Variants in REXO1 observed in about 807,000 individuals in gnomAD.
The protein encoded by REXO1 is REX1, RNA exonuclease 1 homolog.
Under a neutral mutation model 102.6 loss-of-function variants are expected in REXO1, and 42 were observed. The ratio of observed to expected loss-of-function variants is 0.41; its 90% CI spans 0.32 to 0.53. The LOEUF (loss-of-function observed/expected upper bound fraction) is 0.53. Ranked by LOEUF, REXO1 falls within the 20% of genes least tolerant of loss-of-function variation. The pLI, the probability that REXO1 is intolerant of heterozygous loss-of-function variation, is 0.27. For missense variants in REXO1, 1,819 were observed against 1,732.5 expected (o/e 1.05, Z -0.89); for synonymous variants, 908 against 779.1 (o/e 1.17, Z -2.76).
At chr19:1,820,819 C>G (rs900642817) in intron 5 of REXO1, among the ~76,000 whole-genome samples, 3 of 151,470 alleles carry the variant, frequency 2.0e-5, no homozygotes, top group Admixed American at 6.6e-5. Context: ...GTGGCAAAAC[C>G]CTGTCTCTAC....
At chr19:1,825,563 C>T (rs962356496) in intron 3 of REXO1, among the ~76,000 whole-genome samples, 7 of 151,774 alleles carry the variant, frequency 4.6e-5, no homozygotes, top group South Asian at 4.2e-4. Context: ...GTAACCTCTG[C>T]CTCCTGAGTT....
rs137920406 is a variant in REXO1 at position 1,819,952 on chromosome 19, C to T, written c.2632G>A (p.Ala878Thr). Residue 878 changes from alanine (A) to threonine (T), a missense_variant, in exon 7 of 16, where the codon GCT becomes ACT. Ala to Thr is a moderately conservative substitution (Grantham distance 58). Coordinates refer to ENST00000170168, the MANE Select transcript of REXO1 (RefSeq NM_020695.4). ...GACTCACTGCTGAGGCCGGGCACAG[C>T]GCTGGGGGCCAGGCCCCTGAGCTTC... ...LKKLRGLAPS[A>T]VPGLSKTSGR... is the part of the protein sequence containing the mutation. The T allele has an allele frequency of 9.5e-6, 15 of 1,586,812 alleles. No homozygotes were observed. The highest frequency in any genetic ancestry group is 6.8e-5 in the African/African-American group (5 of 73,218).
At chr19:1,847,187 C>T (rs1382871756) in intron 1 of REXO1, among the ~76,000 whole-genome samples, 1 of 152,232 alleles carries the variant, frequency 6.6e-6, no homozygotes, top group Non-Finnish European at 1.5e-5. Context: ...CAACCGCCCA[C>T]AGGTGCAGGT....
Position 1,848,285 on chromosome 19 carries a change from C to A in REXO1, c.74G>T (p.Arg25Leu). Reference sequence around the variant, plus strand: ...GTGCCGGAAGTGGCAGTAGGGCCGCCGGCAGGGCCCCCCGGGCGCCCCAGA... The same window carrying A: ...GTGCCGGAAGTGGCAGTAGGGCCGCAGGCAGGGCCCCCCGGGCGCCCCAGA... ...YWSGAPGGPC[R>L]RPYCHFRHRG... is the part of the protein sequence containing the mutation. Residue 25 changes from arginine to leucine, a missense_variant, in exon 1 of 16, where the codon CGG becomes CTG. Transcript: ENST00000170168. The A allele has an allele frequency of 8.1e-7, 1 of 1,232,588 alleles. No individual in the cohort carries two copies. Among genetic ancestry groups the A allele is most frequent in the South Asian group, 4.0e-5 (1 of 25,082 alleles). 76.4% of individuals were successfully genotyped at this position (1,232,588 alleles called of 1,614,324 possible).
intron 1 of REXO1, among the ~76,000 whole-genome samples, chr19:1,830,321 G>A (rs2069868658): frequency 6.6e-6 from 1 of 152,116 alleles, no homozygotes; most frequent in Non-Finnish European, 1.5e-5. Flanking sequence ...GACCAGCCTG[G>A]ATGACACAGA....
chr19:1,847,235 G>A (rs535126257), intron 1 of REXO1, among the ~76,000 whole-genome samples: 2 of 152,234 alleles, frequency 1.3e-5, no homozygotes, highest in African/African-American at 2.4e-5. Context: ...AGAAAAAAAT[G>A]CTACCTTTTC....
chr19:1,846,855 T>G lies in REXO1; in HGVS notation c.157+1347A>C, dbSNP rs545542941. Among the ~76,000 whole-genome samples, 22 of 152,292 alleles carry G rather than the reference T, an allele frequency of 1.4e-4. No homozygotes were observed. The South Asian group carries it at 4.3e-3, about 30-fold the overall frequency. On this transcript the variant is annotated intron_variant, in intron 1 of 15. Transcript: ENST00000170168. ...CCTCAAAGAGCTGTGATCGCACCAC[T>G]GCACTCCAGCCTGGACTATAGAGTG... is the stretch of plus-strand genomic sequence containing the variant.
intron 1 of REXO1, among the ~76,000 whole-genome samples, chr19:1,839,279 C>A (rs1371916913): frequency 5.3e-5 from 8 of 150,680 alleles, no homozygotes; most frequent in African/African-American, 2.0e-4. Flanking sequence ...AAGAGTCCAG[C>A]TCTCAGCTCC....
At chr19:1,819,525 G>T (rs943246486) in intron 7 of REXO1, among the ~76,000 whole-genome samples, 7 of 152,212 alleles carry the variant, frequency 4.6e-5, no homozygotes, top group African/African-American at 1.7e-4. Context: ...TGCAGGCGGG[G>T]ACGGGGGCAG....
intron 1 of REXO1, among the ~76,000 whole-genome samples, chr19:1,837,859 C>A (rs958265964): frequency 2.6e-5 from 4 of 152,254 alleles, no homozygotes; most frequent in African/African-American, 9.6e-5. Context: ...CGGGGACCAC[C>A]AGCTCTGCTC....
At position 1,825,841 on chromosome 19, in the gene REXO1, C is replaced by T. The variant is rs776941029; in HGVS notation, c.2014G>A (p.Glu672Lys). Reference sequence around the variant, plus strand: ...GGCCTGGCCTCTGCGGACCTTACCTCCTGGCCTTGCTTGGAAAGGTGGGAG... The same window carrying T: ...GGCCTGGCCTCTGCGGACCTTACCTTCTGGCCTTGCTTGGAAAGGTGGGAG... ...RISHLSKQGQ[E>K]VEPPRRGPAV... Residue 672 changes from glutamate (E) to lysine (K), a missense_variant and splice_region_variant, in exon 3 of 16, where the codon GAG becomes AAG. Coordinates refer to ENST00000170168, the MANE Select transcript of REXO1 (RefSeq NM_020695.4). The T allele has an allele frequency of 2.4e-5, 39 of 1,607,152 alleles. No individual in the cohort carries two copies. Among genetic ancestry groups the T allele is most frequent in the Non-Finnish European group, 3.2e-5 (37 of 1,174,350 alleles).
At position 1,828,351 on chromosome 19, in the gene REXO1, T is replaced by G; in HGVS notation, c.438A>C (p.Pro146=). Residue 146 remains proline (P), a synonymous_variant, in exon 2 of 16, where the codon CCA becomes CCC. Coordinates refer to ENST00000170168, the MANE Select transcript of REXO1 (RefSeq NM_020695.4). The stretch of plus-strand genomic sequence containing the variant: ...TGCCGGGGCTGTAGTCGAAGGCCAG[T>G]GGGAAGGCATCCTCGTCCGGGCCCA... ...PTVGPDEDAF[P]LAFDYSPGSH... is the part of the protein sequence containing the mutation. The G allele has an allele frequency of 6.2e-7, 1 of 1,609,774 alleles. No homozygotes were observed. Among genetic ancestry groups the G allele is most frequent in the Non-Finnish European group, 8.5e-7 (1 of 1,178,406 alleles).
chr19:1,827,509 G>C lies in REXO1; in HGVS notation c.1280C>G (p.Ala427Gly). The C allele has an allele frequency of 6.3e-7, 1 of 1,582,806 alleles. No homozygotes were observed. Among genetic ancestry groups the C allele is most frequent in the East Asian group, 2.2e-5 (1 of 44,582 alleles). Reference protein sequence around the residue: ...GPQASSPRRKAERPEGTKKKP... With the variant: ...GPQASSPRRKGERPEGTKKKP... ...CTTCTTGGTCCCTTCCGGCCGCTCT[G>C]CCTTGCGCCGGGGGCTGCTGGCCTG... Residue 427 changes from alanine to glycine, a missense_variant, in exon 2 of 16, where the codon GCA (alanine) becomes GGA (glycine). Transcript: ENST00000170168.
rs569744492 is a variant in REXO1, at chr19:1,848,338, G to A, written c.21C>T (p.Phe7=). 2.3e-4 allele frequency: 286 copies of A among 1,224,608 alleles called. No homozygotes were observed. Among genetic ancestry groups the A allele is most frequent in the Non-Finnish European group, 2.8e-4 (276 of 976,242 alleles). The allele number at this position is 1,224,608 out of a possible 1,614,324, so 75.9% of individuals were successfully genotyped here. A position where few individuals can be genotyped will look rare whatever the true frequency, so the allele number is the denominator to read the frequency against. The change falls in exon 1 of 16, where the codon TTC becomes TTT. Residue 7 remains phenylalanine, a synonymous_variant. Transcript: ENST00000170168. ...AATAGGGGCAGTCAATGGCCCGGAA[G>A]AAGCCAGTGGAGCGTAGCATGGTCC... The part of the protein sequence containing the change: MLRSTG[F]FRAIDCPYWS...
Position 1,840,009 on chromosome 19 carries a change from G to A in REXO1, c.157+8193C>T, listed in dbSNP as rs75574688. 6.1e-3 allele frequency among the ~76,000 whole-genome samples: 922 copies of A among 152,336 alleles called. 8 individuals carry two copies. Among genetic ancestry groups the A allele is most frequent in the Non-Finnish European group, 9.3e-3 (634 of 68,024 alleles). On this transcript the variant is annotated intron_variant, in intron 1 of 15. Coordinates refer to ENST00000170168, the MANE Select transcript of REXO1 (RefSeq NM_020695.4). ...GAGGGCCTCTGAGCCACTGTGAGAG[G>A]AGGAGGGAGGGGTCTCAGAAAAATG...
chr19:1,831,930 C>T (rs758561540), intron 1 of REXO1, among the ~76,000 whole-genome samples: 5 of 151,508 alleles, frequency 3.3e-5, no homozygotes, highest in Admixed American at 3.3e-4. Context: ...CCGAGACACA[C>T]CCACCAGCAG....
rs2145243203 is a variant in REXO1 at position 1,820,378 on chromosome 19, A to G, written c.2412T>C (p.Ile804=). 1.9e-6 allele frequency: 3 copies of G among 1,613,528 alleles called. No individual in the cohort carries two copies. The highest frequency in any genetic ancestry group is 1.3e-5 in the African/African-American group (1 of 75,024). ...CTTTGCCCCCAAACTCTTTGGGGAT[A>G]ATGGGTTTCTTTAAACTCTAGAGGG... ...SPSLQSLKKP[I]IPKEFGGKVP... is the part of the protein sequence containing the mutation. Residue 804 remains isoleucine, a synonymous_variant, in exon 6 of 16, where the codon ATT becomes ATC. Coordinates refer to ENST00000170168, the MANE Select transcript of REXO1 (RefSeq NM_020695.4).
In REXO1 at chr19:1,817,301, C is replaced by T. The variant is rs368062875; in HGVS notation, c.3119G>A (p.Arg1040His). 19 of 1,612,820 alleles carry T rather than the reference C, an allele frequency of 1.2e-5. No homozygotes were observed. The highest frequency in any genetic ancestry group is 2.2e-5 in the East Asian group (1 of 44,900). ...AAAGGTCTTCACGAAGCCCTCAAGG[C>T]GCTCCTTCCGGCCATCCTGCACGTG... Reference protein sequence around the residue: ...KQHVQDGRKERLEGFVKTFEK... With the variant: ...KQHVQDGRKEHLEGFVKTFEK... Residue 1040 changes from arginine to histidine, a missense_variant, in exon 12 of 16, where the codon CGC becomes CAC. Transcript: ENST00000170168.
In REXO1 at chr19:1,848,196, C is replaced by A; in HGVS notation, c.157+6G>T. 1 of 1,210,446 alleles carries A rather than the reference C, an allele frequency of 8.3e-7. No individual in the cohort carries two copies. Among genetic ancestry groups the A allele is most frequent in the Non-Finnish European group, 1.0e-6 (1 of 968,572 alleles). The allele number at this position is 1,210,446 out of a possible 1,614,324, so 75.0% of individuals were successfully genotyped here. A position where few individuals can be genotyped will look rare whatever the true frequency, so the allele number is the denominator to read the frequency against. ...AGCCCAAGGCAAGCAGGCGGGCGGG[C>A]ATTACCTGCTGCGGGGGGCGCCTCT... On this transcript the variant is annotated splice_donor_region_variant and intron_variant, in intron 1 of 15. Coordinates refer to ENST00000170168, the MANE Select transcript of REXO1 (RefSeq NM_020695.4).
Sources: allele counts gnomAD v4.1 joint callset (sites outside exome capture counted in the v4.1 genomes callset), GRCh38; gene constraint gnomAD v4.1.1; transcripts MANE v1.5; gene names NCBI Gene and HGNC (gene_info 2026-07-23, HGNC 2026-07-21).